PTPRM: variants seen among roughly 807,000 people sequenced by gnomAD.
PTPRM encodes the protein protein tyrosine phosphatase receptor type M, also known as receptor-type tyrosine-protein phosphatase mu.
Under a neutral mutation model 186.7 loss-of-function variants are expected in PTPRM, and 47 were observed. That is an observed-to-expected ratio of 0.25 (90% CI 0.20 to 0.32). The LOEUF is 0.32. Ranked by LOEUF, PTPRM falls within the 10% of genes least tolerant of loss-of-function variation. PTPRM has a pLI of 1.00. For missense variants in PTPRM, 1,494 were observed against 1,865.0 expected, an observed-to-expected ratio of 0.80 and a Z score of 3.66; for synonymous variants, 668 against 674.9, an observed-to-expected ratio of 0.99 and a Z score of 0.16.
At chr18:8,123,437 A>C (rs2092243928) in intron 13 of PTPRM, among the ~76,000 whole-genome samples, 1 of 152,242 alleles carries the variant, frequency 6.6e-6, no homozygotes, top group Non-Finnish European at 1.5e-5. Flanking sequence ...AAAGAAAACT[A>C]AGCCTCAGGA....
chr18:7,738,440 TG>T (rs950372932), intron 1 of PTPRM, among the ~76,000 whole-genome samples: 1 of 151,740 alleles, frequency 6.6e-6, no homozygotes, highest in Non-Finnish European at 1.5e-5. Context: ...ATTCAACTTT[TG>T]GTTTTTTTTT....
chr18:7,737,447 A>G (rs1598466027), intron 1 of PTPRM, among the ~76,000 whole-genome samples: 1 of 152,212 alleles, frequency 6.6e-6, no homozygotes, highest in African/African-American at 2.4e-5. Context: ...TTGCCAGTGA[A>G]TTTGAAACCC....
chr18:8,369,235 A>T (rs992862038), intron 23 of PTPRM, among the ~76,000 whole-genome samples: 2 of 152,236 alleles, frequency 1.3e-5, no homozygotes, highest in African/African-American at 4.8e-5. Flanking sequence ...TTGGGGCCAT[A>T]TTTAAAAACT....
At chr18:8,063,762 A>T (rs2088823714) in intron 7 of PTPRM, among the ~76,000 whole-genome samples, 1 of 152,216 alleles carries the variant, frequency 6.6e-6, no homozygotes, top group East Asian at 1.9e-4. Flanking sequence ...AAAAATTCTC[A>T]AAATATTTAT....
intron 13 of PTPRM, among the ~76,000 whole-genome samples, chr18:8,116,265 T>C (rs2091953317): frequency 6.6e-6 from 1 of 152,240 alleles, no homozygotes; most frequent in African/African-American, 2.4e-5. Flanking sequence ...GTAAATCCTG[T>C]TCCAGGGCCC....
chr18:8,158,140 C>G (rs943439903), intron 14 of PTPRM, among the ~76,000 whole-genome samples: 1 of 152,240 alleles, frequency 6.6e-6, no homozygotes, highest in African/African-American at 2.4e-5. Context: ...TAACCTCTAT[C>G]TATTAGCATA....
At chr18:8,335,448 A>G (rs2095433840) in intron 22 of PTPRM, among the ~76,000 whole-genome samples, 1 of 152,202 alleles carries the variant, frequency 6.6e-6, no homozygotes, top group East Asian at 1.9e-4. Context: ...AGTTTGAAGA[A>G]ATTATGCACC....
intron 2 of PTPRM, among the ~76,000 whole-genome samples, chr18:7,797,727 C>A (rs2043738015): frequency 6.6e-6 from 1 of 151,836 alleles, no homozygotes; most frequent in Non-Finnish European, 1.5e-5. Flanking sequence ...ATCCCTGGAA[C>A]ATCGAGTTCC....
chr18:8,091,993 C>T (rs2090758506), intron 11 of PTPRM, among the ~76,000 whole-genome samples: 1 of 152,056 alleles, frequency 6.6e-6, no homozygotes, highest in African/African-American at 2.4e-5. Context: ...GGATTTTGCA[C>T]AGTATTGTGT....
intron 1 of PTPRM, among the ~76,000 whole-genome samples, chr18:7,583,608 A>G (rs998533014): frequency 1.6e-4 from 24 of 152,238 alleles, no homozygotes; most frequent in African/African-American, 5.8e-4. Context: ...CTGAAATAGT[A>G]AATTAAAAGG....
At chr18:8,357,560 T>C (rs1485939616) in intron 23 of PTPRM, among the ~76,000 whole-genome samples, 1 of 152,144 alleles carries the variant, frequency 6.6e-6, no homozygotes, top group Non-Finnish European at 1.5e-5. Flanking sequence ...TGTGGTTTCT[T>C]TGGAGGACTC....
chr18:8,037,488 C>T (rs1269309699), intron 7 of PTPRM, among the ~76,000 whole-genome samples: 2 of 152,008 alleles, frequency 1.3e-5, no homozygotes, highest in Admixed American at 6.6e-5. Context: ...TGTGAGAAGC[C>T]TATATTGAGT....
intron 3 of PTPRM, among the ~76,000 whole-genome samples, chr18:7,902,745 TTC>T (rs1235232230): frequency 1.3e-5 from 2 of 152,150 alleles, no homozygotes; most frequent in African/African-American, 4.8e-5. Context: ...AGCGTAAAAC[TTC>T]TGAGTCATCC....
chr18:7,959,789 GATAAA>G lies in PTPRM; in HGVS notation c.1132+4378_1132+4382del, dbSNP rs373415743. Among the ~76,000 whole-genome samples, 37 of 152,284 alleles carry G rather than the reference GATAAA, an allele frequency of 2.4e-4. 1 individual carries two copies. The highest frequency in any genetic ancestry group is 8.7e-4 in the African/African-American group (36 of 41,572). On this transcript the variant is annotated intron_variant, in intron 7 of 32. Coordinates refer to ENST00000580170, the MANE Select transcript of PTPRM (RefSeq NM_001105244.2). The stretch of plus-strand genomic sequence containing the variant: ...TATCTGTAAAGACATTTTTCAAAGT[GATAAA>G]ATGCCCTGTCAATATGGGTTATTGT...
intron 2 of PTPRM, among the ~76,000 whole-genome samples, chr18:7,867,524 C>T (rs559593695): frequency 1.3e-5 from 2 of 152,300 alleles, no homozygotes; most frequent in East Asian, 3.9e-4. Flanking sequence ...TGAATATTGA[C>T]TCCCACTCTC....
chr18:7,800,370 A>C (rs541175745), intron 2 of PTPRM, among the ~76,000 whole-genome samples: 1 of 152,198 alleles, frequency 6.6e-6, no homozygotes, highest in African/African-American at 2.4e-5. Context: ...CTCCAATGCA[A>C]TGGAACCTTG....
At chr18:8,373,330 A>G (rs1453236181) in intron 24 of PTPRM, among the ~76,000 whole-genome samples, 2 of 152,202 alleles carry the variant, frequency 1.3e-5, no homozygotes, top group Non-Finnish European at 2.9e-5. Flanking sequence ...GCTCTGCAAA[A>G]CAAGCAGATG....
intron 23 of PTPRM, among the ~76,000 whole-genome samples, chr18:8,350,924 A>G (rs2095531048): frequency 1.9e-5 from 1 of 52,346 alleles, no homozygotes; most frequent in African/African-American, 3.9e-5. Context: ...CTCTAGGTCT[A>G]CACAGTCGCC....
At chr18:7,655,576 C>T (rs2038827928) in intron 1 of PTPRM, among the ~76,000 whole-genome samples, 1 of 152,192 alleles carries the variant, frequency 6.6e-6, no homozygotes, top group African/African-American at 2.4e-5. Flanking sequence ...CATATGTTCA[C>T]ATAAAAATCT....
Sources: allele counts gnomAD v4.1 joint callset (sites outside exome capture counted in the v4.1 genomes callset), GRCh38; gene constraint gnomAD v4.1.1; transcripts MANE v1.5; gene names NCBI Gene and HGNC (gene_info 2026-07-23, HGNC 2026-07-21).